Variants in NRXN3 observed in about 807,000 individuals in gnomAD.
NRXN3 encodes the protein neurexin 3, also known as neurexin III.
A neutral mutation model predicts 137.6 loss-of-function variants in NRXN3; 32 were observed. That is an observed-to-expected ratio of 0.23 (90% CI 0.18 to 0.31). The LOEUF (loss-of-function observed/expected upper bound fraction) is 0.31. Ranked by LOEUF, NRXN3 falls within the 10% of genes least tolerant of loss-of-function variation. NRXN3 has a pLI of 1.00. For missense variants in NRXN3, 1,574 were observed against 2,062.5 expected (o/e 0.76, Z 4.59); for synonymous variants, 798 against 784.5 (o/e 1.02, Z -0.29).
At chr14:79,079,785 C>T (rs191841217) in intron 15 of NRXN3, among the ~76,000 whole-genome samples, 144 of 152,072 alleles carry the variant, frequency 9.5e-4, no homozygotes, top group Non-Finnish European at 7.8e-4. Context: ...GTCAGGAGTT[C>T]GAGACCAGTC....
rs532174712 is a variant in NRXN3, at chr14:79,253,166, G to A, written c.3263-214055G>A. On this transcript the variant is annotated intron_variant, in intron 15 of 20. Transcript: ENST00000335750. ...TTCTCCTGCCTTGTCTGTGTGTTTT[G>A]GGGAAGAGATTGTTTGCAAAAGAAA... 3.9e-5 allele frequency among the ~76,000 whole-genome samples: 6 copies of A among 152,226 alleles called. No homozygotes were observed. The South Asian group carries it at 1.2e-3, about 32-fold the overall frequency.
intron 4 of NRXN3, among the ~76,000 whole-genome samples, chr14:78,510,614 C>T (rs909538031): frequency 6.6e-6 from 1 of 152,174 alleles, no homozygotes; most frequent in Admixed American, 6.5e-5. Flanking sequence ...TCAAACATTG[C>T]TTGTGGAAGA....
At chr14:78,473,634 T>C (rs1223158101) in intron 4 of NRXN3, among the ~76,000 whole-genome samples, 2 of 152,140 alleles carry the variant, frequency 1.3e-5, no homozygotes, top group African/African-American at 4.8e-5. Flanking sequence ...ATAATAAACA[T>C]TTATTGTTAA....
chr14:79,387,206 G>A (rs2094656521), intron 15 of NRXN3, among the ~76,000 whole-genome samples: 1 of 152,016 alleles, frequency 6.6e-6, no homozygotes, highest in Non-Finnish European at 1.5e-5. Context: ...CTACTCATCT[G>A]ACAAAGGGCT....
intron 15 of NRXN3, among the ~76,000 whole-genome samples, chr14:79,173,024 A>G (rs2061941235): frequency 6.6e-6 from 1 of 152,194 alleles, no homozygotes; most frequent in Non-Finnish European, 1.5e-5. Context: ...CCATCCATAT[A>G]GAAGAAAATA....
chr14:78,551,335 G>A (rs2096686963), intron 4 of NRXN3, among the ~76,000 whole-genome samples: 2 of 151,544 alleles, frequency 1.3e-5, no homozygotes, highest in South Asian at 4.2e-4. Context: ...TTTCTCTCTT[G>A]CCTTCTTGAT....
At chr14:79,081,381 C>T (rs181845678) in intron 15 of NRXN3, among the ~76,000 whole-genome samples, 23 of 151,996 alleles carry the variant, frequency 1.5e-4, no homozygotes, top group Admixed American at 9.8e-4. Context: ...TTTGGGAGGC[C>T]GAGGCGGGCA....
At chr14:78,419,853 GCTAA>G (rs1358182661) in intron 4 of NRXN3, among the ~76,000 whole-genome samples, 1 of 152,068 alleles carries the variant, frequency 6.6e-6, no homozygotes, top group East Asian at 1.9e-4. Flanking sequence ...GATGATCATG[GCTAA>G]CTGACTCTTT....
In NRXN3 at chr14:79,642,548, T is replaced by A. The variant is rs982253968; in HGVS notation, c.3445-21230T>A. Among the ~76,000 whole-genome samples the A allele has an allele frequency of 5.2e-5, 7 of 135,064 alleles. 1 individual carries two copies. The highest frequency in any genetic ancestry group is 3.2e-4 in the Admixed American group (4 of 12,652). 88.6% of individuals were successfully genotyped at this position (135,064 alleles called of 152,430 possible). On this transcript the variant is annotated intron_variant, in intron 16 of 20. Transcript: ENST00000335750. The stretch of plus-strand genomic sequence containing the variant: ...TTGTAACAATATCTCTCTTTTTTTT[T>A]AATTCAAGCCACTGATACAAATATT...
chr14:78,572,598 A>G lies in NRXN3; in HGVS notation c.758-72522A>G, dbSNP rs150799352. Among the ~76,000 whole-genome samples, 360 of 152,332 alleles carry G rather than the reference A, an allele frequency of 2.4e-3. 1 individual carries two copies. The highest frequency in any genetic ancestry group is 8.1e-3 in the African/African-American group (336 of 41,572). On this transcript the variant is annotated intron_variant, in intron 4 of 20. Coordinates refer to ENST00000335750, the MANE Select transcript of NRXN3 (RefSeq NM_001330195.2). ...CTTCCCTGGGCCACAGTGGAAGAAGAAGAATTGTCTTAGGCCACACATATA... is the reference window on the plus strand; with the variant it reads ...CTTCCCTGGGCCACAGTGGAAGAAGGAGAATTGTCTTAGGCCACACATATA...
chr14:78,670,670 A>T (rs879566324), intron 6 of NRXN3, among the ~76,000 whole-genome samples: 4 of 152,218 alleles, frequency 2.6e-5, no homozygotes, highest in Non-Finnish European at 5.9e-5. Context: ...GAGTAATGTA[A>T]AATAAGGTTT....
At chr14:79,193,445 A>G (rs1181292767) in intron 15 of NRXN3, among the ~76,000 whole-genome samples, 1 of 152,256 alleles carries the variant, frequency 6.6e-6, no homozygotes, top group Non-Finnish European at 1.5e-5. Context: ...TTGGAATCTG[A>G]TTTATTTAAA....
chr14:78,305,077 A>G (rs2077227477), intron 4 of NRXN3, among the ~76,000 whole-genome samples: 1 of 152,176 alleles, frequency 6.6e-6, no homozygotes, highest in Non-Finnish European at 1.5e-5. Flanking sequence ...AGTGGGAGGT[A>G]GTTTGATTAA....
chr14:79,536,427 T>A (rs1466744484), intron 16 of NRXN3, among the ~76,000 whole-genome samples: 2 of 152,150 alleles, frequency 1.3e-5, no homozygotes, highest in African/African-American at 2.4e-5. Context: ...ACAACATTTT[T>A]TTTTTAATAT....
At chr14:79,138,573 A>G (rs1187346053) in intron 15 of NRXN3, among the ~76,000 whole-genome samples, 1 of 152,260 alleles carries the variant, frequency 6.6e-6, no homozygotes, top group Non-Finnish European at 1.5e-5. Flanking sequence ...GCTAATCATT[A>G]TGGCCAATGC....
intron 10 of NRXN3, among the ~76,000 whole-genome samples, chr14:78,877,204 C>T (rs1392394001): frequency 6.6e-6 from 1 of 152,136 alleles, no homozygotes; most frequent in Non-Finnish European, 1.5e-5. Flanking sequence ...TTAATCTTCT[C>T]TAAAATTGAG....
rs151044420 is a variant in NRXN3, at chr14:78,538,961, A to G, written c.758-106159A>G. Among the ~76,000 whole-genome samples, 1,021 of 152,334 alleles carry G rather than the reference A, an allele frequency of 6.7e-3. 9 individuals are homozygous for G. The highest frequency in any genetic ancestry group is 0.023 in the African/African-American group (958 of 41,566). On this transcript the variant is annotated intron_variant, in intron 4 of 20. Transcript: ENST00000335750. ...AACCAGTCTTGCATCCCAGGGATGA[A>G]GCTGACTTGATCATGGTGGATAAGC...
chr14:79,438,241 G>A (rs1223320515), intron 15 of NRXN3, among the ~76,000 whole-genome samples: 2 of 152,062 alleles, frequency 1.3e-5, no homozygotes, highest in African/African-American at 2.4e-5. Context: ...ATTTGCCCTC[G>A]AATCCATGTC....
chr14:79,560,504 C>CTTTTTTTCTT (rs2097482528), intron 16 of NRXN3, among the ~76,000 whole-genome samples: 1 of 43,770 alleles, frequency 2.3e-5, no homozygotes, highest in Non-Finnish European at 4.0e-5. Context: ...AGATTGTAAG[C>CTTTTTTTCTT]TTTTTTTTTT....
Sources: allele counts gnomAD v4.1 joint callset (sites outside exome capture counted in the v4.1 genomes callset), GRCh38; gene constraint gnomAD v4.1.1; transcripts MANE v1.5; gene names NCBI Gene and HGNC (gene_info 2026-07-23, HGNC 2026-07-21).